Variants in WSCD2 observed in about 807,000 individuals in gnomAD.
WSCD2 encodes WSC domain sialate O sulfotransferase 2, also known as sialate:O-sulfotransferase 2.
WSCD2 carries 28 observed loss-of-function variants against 55.7 expected under a neutral mutation model. The ratio of observed to expected loss-of-function variants is 0.50; its 90% CI spans 0.37 to 0.69. The LOEUF (loss-of-function observed/expected upper bound fraction) is 0.69. WSCD2 is among the 30% of genes least tolerant of loss of function. The pLI is 0.00. For synonymous variants in WSCD2, 301 were observed against 301.9 expected (o/e 1.00, Z 0.03); for missense variants, 616 against 762.1 (o/e 0.81, Z 2.26).
chr12:108,178,103 C>T (rs1881138826), intron 1 of WSCD2, among the ~76,000 whole-genome samples: 1 of 152,118 alleles, frequency 6.6e-6, no homozygotes, highest in Non-Finnish European at 1.5e-5. Flanking sequence ...AATTTATTAT[C>T]TCACAGTTCT....
chr12:108,170,499 A>G (rs1675000254), intron 1 of WSCD2, among the ~76,000 whole-genome samples: 1 of 152,190 alleles, frequency 6.6e-6, no homozygotes, highest in South Asian at 2.1e-4. Context: ...TACTCTTCTA[A>G]GTGCTTTAAT....
chr12:108,159,785 G>T (rs1039066542), intron 1 of WSCD2, among the ~76,000 whole-genome samples: 1 of 152,146 alleles, frequency 6.6e-6, no homozygotes, highest in African/African-American at 2.4e-5. Context: ...TCTCTTGCTG[G>T]GGAATGCAGG....
chr12:108,170,020 A>G (rs1048450174), intron 1 of WSCD2, among the ~76,000 whole-genome samples: 1 of 152,190 alleles, frequency 6.6e-6, no homozygotes, highest in Non-Finnish European at 1.5e-5. Flanking sequence ...TGTACTGGGA[A>G]GGGGAGAATA....
In WSCD2 at chr12:108,210,327, CT is replaced by C; in HGVS notation, c.682+23del. On this transcript the variant is annotated intron_variant, in intron 4 of 8. Transcript: ENST00000547525. The surrounding 1 kb of genome is among the most constrained non-coding windows in gnomAD (Gnocchi z 4.3). The stretch of plus-strand genomic sequence containing the variant: ...AGGTGTACGTGAGTCTGCCCTGCCC[CT>C]CTCTGCTGCTCCTCCCTCAGCTGCA... 6.5e-7 allele frequency: 1 copy of C among 1,543,900 alleles called. No homozygotes were observed.
At chr12:108,216,369 T>C (rs181773335) in intron 4 of WSCD2, among the ~76,000 whole-genome samples, 42 of 152,216 alleles carry the variant, frequency 2.8e-4, no homozygotes, top group African/African-American at 9.4e-4. Flanking sequence ...ATTACTGCCA[T>C]CATTGCTATT....
intron 6 of WSCD2, 126 bp from the exon 7 acceptor site, chr12:108,232,605 G>A (rs41314113): frequency 7.8e-6 from 7 of 897,782 alleles, no homozygotes; most frequent in South Asian, 1.8e-5. Flanking sequence ...CATGACCCAC[G>A]CAAGTGTCCT....
chr12:108,190,547 C>A (rs1883033437), intron 1 of WSCD2, among the ~76,000 whole-genome samples: 1 of 152,094 alleles, frequency 6.6e-6, no homozygotes, highest in South Asian at 2.1e-4. Flanking sequence ...AATTTTACTC[C>A]CAGGGGAGGT....
intron 1 of WSCD2, among the ~76,000 whole-genome samples, chr12:108,162,061 C>T (rs1183564697): frequency 9.8e-5 from 15 of 152,296 alleles, no homozygotes; most frequent in Non-Finnish European, 1.9e-4. Context: ...GCTTGCCCAA[C>T]ATTGCACAGA....
chr12:108,164,268 C>T (rs1879402738), intron 1 of WSCD2, among the ~76,000 whole-genome samples: 1 of 150,422 alleles, frequency 6.6e-6, no homozygotes, highest in Admixed American at 6.7e-5. Flanking sequence ...GAACCATTGC[C>T]AAGGTCAAGA....
rs562450266 is a variant in WSCD2, at chr12:108,166,872, C to T, written c.-551-28410C>T. 4.7e-5 allele frequency among the ~76,000 whole-genome samples: 7 copies of T among 147,796 alleles called. No individual in the cohort carries two copies. The East Asian group carries it at 6.0e-4, about 13-fold the overall frequency. On this transcript the variant is annotated intron_variant, in intron 1 of 8. Transcript: ENST00000547525. ...TGTTGCCCAGGCTGAAGTGTAGTTC[C>T]ATGATCTTGGCTCACTGCAACCTCC... is the stretch of plus-strand genomic sequence containing the variant.
At position 108,206,365 on chromosome 12, in the gene WSCD2, G is replaced by C. The variant is rs763440269; in HGVS notation, c.459G>C (p.Lys153Asn). 1 of 1,614,236 alleles carries C rather than the reference G, an allele frequency of 6.2e-7. No homozygotes were observed. The highest frequency in any genetic ancestry group is 8.5e-7 in the Non-Finnish European group (1 of 1,180,046). ...GAGTGTCCTTTTTTGACTACAAAAA[G>C]ATGACCATCTTCCGTTGCCAGGACA... ...LRGVSFFDYK[K>N]MTIFRCQDNC... The change falls in exon 3 of 9, where the codon AAG becomes AAC. Residue 153 changes from lysine to asparagine, a missense_variant. This residue lies in a region of WSCD2 where 374 missense variants were observed against 467.4 expected (regional missense o/e 0.80). Coordinates refer to ENST00000547525, the MANE Select transcript of WSCD2 (RefSeq NM_014653.4).
chr12:108,155,376 C>T (rs1182498834), intron 1 of WSCD2, among the ~76,000 whole-genome samples: 1 of 152,112 alleles, frequency 6.6e-6, no homozygotes, highest in Non-Finnish European at 1.5e-5. Context: ...GGGCTCTCAG[C>T]AGGGAGACAA....
At position 108,180,829 on chromosome 12, in the gene WSCD2, C is replaced by T. The variant is rs147260089; in HGVS notation, c.-551-14453C>T. ...CCAAAAATTATGAAGAATTTCAAGA[C>T]AGTGACAGCAGAGCTTTAAACCGAG... is the stretch of plus-strand genomic sequence containing the variant. On this transcript the variant is annotated intron_variant, in intron 1 of 8. Coordinates refer to ENST00000547525, the MANE Select transcript of WSCD2 (RefSeq NM_014653.4). 2.6e-3 allele frequency among the ~76,000 whole-genome samples: 400 copies of T among 152,362 alleles called. 1 individual carries two copies. Among genetic ancestry groups the T allele is most frequent in the African/African-American group, 9.1e-3 (380 of 41,588 alleles).
At chr12:108,187,265 CAA>C (rs1388473745) in intron 1 of WSCD2, among the ~76,000 whole-genome samples, 1 of 152,218 alleles carries the variant, frequency 6.6e-6, no homozygotes, top group Non-Finnish European at 1.5e-5. Context: ...ACAGATTCCT[CAA>C]AATGTGTCCT....
chr12:108,167,240 A>G (rs566134189), intron 1 of WSCD2, among the ~76,000 whole-genome samples: 1 of 152,318 alleles, frequency 6.6e-6, no homozygotes, highest in East Asian at 1.9e-4. Context: ...ACAAAATACA[A>G]TAACCAAGTA....
At chr12:108,232,664 C>T (rs1888899255) in intron 6 of WSCD2, 67 bp from the exon 7 acceptor site, 2 of 1,485,060 alleles carry the variant, frequency 1.3e-6, no homozygotes, top group African/African-American at 1.4e-5. Context: ...GACTCATACC[C>T]TGGCCCTTTC....
rs75274037 is a variant in WSCD2, at chr12:108,191,367, G to A, written c.-551-3915G>A. ...ACAATGACAGACTAGAGAGAGACTT[G>A]GAGAGACAGAGATGGAGAGAGAGGC... is the stretch of plus-strand genomic sequence containing the variant. On this transcript the variant is annotated intron_variant, in intron 1 of 8. Transcript: ENST00000547525. Among the ~76,000 whole-genome samples the A allele has an allele frequency of 3.1e-3, 465 of 152,308 alleles. 6 individuals are homozygous for A. The highest frequency in any genetic ancestry group is 0.011 in the African/African-American group (448 of 41,564).
At chr12:108,150,738 G>T (rs1250874454) in intron 1 of WSCD2, among the ~76,000 whole-genome samples, 2 of 152,256 alleles carry the variant, frequency 1.3e-5, no homozygotes, top group African/African-American at 2.4e-5. Context: ...TGCCCACCCT[G>T]CCCGGATACG....
chr12:108,194,318 G>T (rs76862774), intron 1 of WSCD2, among the ~76,000 whole-genome samples: 1 of 152,208 alleles, frequency 6.6e-6, no homozygotes, highest in Admixed American at 6.5e-5. Flanking sequence ...CCCTGACAAA[G>T]GGTGAGCCAT....
Sources: allele counts gnomAD v4.1 joint callset (sites outside exome capture counted in the v4.1 genomes callset), GRCh38; gene constraint gnomAD v4.1.1; regional missense constraint gnomAD v4.1.1; non-coding constraint Gnocchi (gnomAD v3.1); transcripts MANE v1.5; gene names NCBI Gene and HGNC (gene_info 2026-07-23, HGNC 2026-07-21).